Variants in RAD51B observed in about 807,000 individuals in gnomAD.
RAD51B encodes DNA repair protein RAD51 homolog 2.
A neutral mutation model predicts 42.2 loss-of-function variants in RAD51B; 38 were observed. That is an observed-to-expected ratio of 0.90 (90% CI 0.70 to 1.18). The LOEUF is 1.18. Among genes scored for constraint, RAD51B ranks in the 50% most tolerant of loss-of-function variants. The pLI is 0.00. For missense variants in RAD51B, 373 were observed against 400.7 expected (o/e 0.93, Z 0.59); for synonymous variants, 154 against 145.2 (o/e 1.06, Z -0.43).
chr14:68,578,620 G>GGATA (rs1890072163), intron 10 of RAD51B, among the ~76,000 whole-genome samples: 1 of 152,118 alleles, frequency 6.6e-6, no homozygotes, highest in Admixed American at 6.5e-5. Context: ...TCTCCTTGAA[G>GGATA]GATATATTGA....
chr14:67,873,811 C>T (rs2042628962), intron 5 of RAD51B, among the ~76,000 whole-genome samples: 1 of 145,938 alleles, frequency 6.9e-6, no homozygotes, highest in Admixed American at 6.9e-5. Flanking sequence ...AATTGGAAAT[C>T]ATCATTCTCA....
intron 7 of RAD51B, among the ~76,000 whole-genome samples, chr14:68,060,351 C>A (rs1468094333): frequency 6.6e-6 from 1 of 152,152 alleles, no homozygotes; most frequent in Admixed American, 6.6e-5. Flanking sequence ...CTTCAGAATG[C>A]AGCACAGGAA....
rs79087385 is a variant in RAD51B at position 68,128,168 on chromosome 14, T to C, written c.757-163716T>C. ...ATGGCAGTATTTAGAAGCTGGAATA[T>C]GAGTTTGGTTTTGATTGTTCCAAGT... is the stretch of plus-strand genomic sequence containing the variant. On this transcript the variant is annotated intron_variant, in intron 7 of 10. Transcript: ENST00000471583. 4.0e-3 allele frequency among the ~76,000 whole-genome samples: 614 copies of C among 152,348 alleles called. 4 individuals carry two copies. The highest frequency in any genetic ancestry group is 0.014 in the African/African-American group (585 of 41,580).
chr14:68,567,898 A>C (rs924767346), intron 10 of RAD51B, among the ~76,000 whole-genome samples: 17 of 152,218 alleles, frequency 1.1e-4, no homozygotes, highest in South Asian at 6.2e-4. Flanking sequence ...CTGTGGCAGG[A>C]GTTCCATATG....
chr14:68,181,387 G>T (rs939052170), intron 7 of RAD51B, among the ~76,000 whole-genome samples: 2 of 152,190 alleles, frequency 1.3e-5, no homozygotes, highest in African/African-American at 4.8e-5. Context: ...TGCACCCCAG[G>T]TGTGCAGACT....
intron 7 of RAD51B, among the ~76,000 whole-genome samples, chr14:68,206,950 C>T (rs532629552): frequency 2.6e-5 from 4 of 152,168 alleles, no homozygotes; most frequent in Non-Finnish European, 4.4e-5. Flanking sequence ...CCAACGCGCC[C>T]GGCTAATTTT....
chr14:68,584,573 G>A (rs1387364178), intron 10 of RAD51B, among the ~76,000 whole-genome samples: 3 of 152,058 alleles, frequency 2.0e-5, no homozygotes, highest in Admixed American at 6.6e-5. Context: ...CTGCCACTGC[G>A]CTTCTTGCCT....
At chr14:68,333,179 G>A (rs1286677197) in intron 8 of RAD51B, among the ~76,000 whole-genome samples, 1 of 152,174 alleles carries the variant, frequency 6.6e-6, no homozygotes, top group Admixed American at 6.5e-5. Flanking sequence ...CGGGACTCCT[G>A]TAACCTAGGA....
intron 7 of RAD51B, among the ~76,000 whole-genome samples, chr14:68,208,376 C>A (rs1352836221): frequency 6.6e-6 from 1 of 152,184 alleles, no homozygotes; most frequent in East Asian, 1.9e-4. Context: ...ATTTTGACTG[C>A]TGAGACATGC....
rs551076138 is a variant in RAD51B, at chr14:68,563,546, C to T, written c.1037-30939C>T. On this transcript the variant is annotated intron_variant, in intron 10 of 10. Transcript: ENST00000487270. The stretch of plus-strand genomic sequence containing the variant: ...CTGCCTTGTTAATTCATTTTTTTCT[C>T]CAGATTAGAACCAGCCATTTCTTGT... The T allele has an allele frequency of 3.0e-6, 3 of 985,388 alleles. No homozygotes were observed. The East Asian group carries it at 3.4e-4, about 112-fold the overall frequency. The allele number at this position is 985,388 out of a possible 1,614,324, so 61.0% of individuals were successfully genotyped here.
chr14:68,285,761 C>G (rs1421215569), intron 7 of RAD51B, among the ~76,000 whole-genome samples: 3 of 152,224 alleles, frequency 2.0e-5, no homozygotes, highest in African/African-American at 7.2e-5. Flanking sequence ...ATCCTCTAGC[C>G]CAGCCTACCC....
chr14:68,271,792 G>T (rs1323724756), intron 7 of RAD51B, among the ~76,000 whole-genome samples: 2 of 152,186 alleles, frequency 1.3e-5, no homozygotes, highest in Non-Finnish European at 2.9e-5. Context: ...AGATGACGAT[G>T]ATGATAATGT....
intron 11 of RAD51B, among the ~76,000 whole-genome samples, chr14:68,651,420 C>T (rs1892696035): frequency 6.6e-6 from 1 of 152,158 alleles, no homozygotes; most frequent in South Asian, 2.1e-4. Context: ...CCGCCTTGGC[C>T]TCCTAAAGTG....
At chr14:68,337,482 C>T (rs1453489486) in intron 8 of RAD51B, among the ~76,000 whole-genome samples, 1 of 152,228 alleles carries the variant, frequency 6.6e-6, no homozygotes, top group African/African-American at 2.4e-5. Flanking sequence ...TGTACTCTTG[C>T]ATCCTGTGGT....
intron 9 of RAD51B, among the ~76,000 whole-genome samples, chr14:68,465,375 C>T (rs575324411): frequency 4.6e-5 from 7 of 152,312 alleles, no homozygotes; most frequent in African/African-American, 1.4e-4. Flanking sequence ...ACTGGCCCCA[C>T]ATCTCCCATC....
chr14:68,335,240 T>A (rs2082427948), intron 8 of RAD51B, among the ~76,000 whole-genome samples: 2 of 139,428 alleles, frequency 1.4e-5, no homozygotes, highest in Admixed American at 1.6e-4. Flanking sequence ...GAGGTTGTAG[T>A]GAGCCGAGAT....
At chr14:68,058,460 T>G (rs2076515781) in intron 7 of RAD51B, among the ~76,000 whole-genome samples, 1 of 152,240 alleles carries the variant, frequency 6.6e-6, no homozygotes, top group Non-Finnish European at 1.5e-5. Flanking sequence ...ACCACTGTTA[T>G]CAGTCTCAGA....
chr14:68,539,190 G>A (rs1232409099), intron 10 of RAD51B, among the ~76,000 whole-genome samples: 2 of 152,136 alleles, frequency 1.3e-5, no homozygotes, highest in Admixed American at 1.3e-4. Flanking sequence ...CTTTCTCCAT[G>A]CCATGCGAAC....
downstream of RAD51B, among the ~76,000 whole-genome samples, chr14:68,598,237 CTCAT>C (rs35551157): frequency 1.3e-4 from 19 of 151,622 alleles, no homozygotes; most frequent in East Asian, 1.5e-3. Context: ...CAACTCAAAC[CTCAT>C]TCATTCATTC....
Sources: gnomAD v4.1 joint callset for allele counts (sites outside exome capture counted in the v4.1 genomes callset) on GRCh38, gnomAD v4.1.1 for gene constraint, MANE v1.5 for transcripts, NCBI Gene and HGNC (gene_info 2026-07-23, HGNC 2026-07-21) for gene names.